The following CACNA2D4 variants were observed in gnomAD, a reference collection of about 807,000 sequenced individuals.
CACNA2D4 encodes calcium voltage-gated channel auxiliary subunit alpha2delta 4.
A neutral mutation model predicts 163.8 loss-of-function variants in CACNA2D4; 157 were observed. That is an observed-to-expected ratio of 0.96 (90% CI 0.84 to 1.09). The LOEUF is 1.09. Ranked by LOEUF, CACNA2D4 falls within the 50% of genes least tolerant of loss-of-function variation. The pLI, the probability that CACNA2D4 is intolerant of heterozygous loss-of-function variation, is 0.00. For synonymous variants in CACNA2D4, 598 were observed against 586.9 expected, an observed-to-expected ratio of 1.02 and a Z score of -0.27; for missense variants, 1,410 against 1,479.9, an observed-to-expected ratio of 0.95 and a Z score of 0.78.
At chr12:1,892,824 A>C (rs371625945) in intron 6 of CACNA2D4, among the ~76,000 whole-genome samples, 1 of 152,242 alleles carries the variant, frequency 6.6e-6, no homozygotes, top group African/African-American at 2.4e-5. Flanking sequence ...ACCAAAAGCA[A>C]ACAGGAGTAG....
At chr12:1,826,409 C>CG (rs1040917310) in intron 26 of CACNA2D4, among the ~76,000 whole-genome samples, 9 of 60,788 alleles carry the variant, frequency 1.5e-4, no homozygotes, top group Non-Finnish European at 3.4e-4. Context: ...AGCCCCCCCC[C>CG]CCCCCCCGCC....
rs750636440 is a variant in CACNA2D4 at position 1,918,639 on chromosome 12, C to A, written c.-166G>T. 6 of 573,600 alleles carry A rather than the reference C, an allele frequency of 1.0e-5. No individual in the cohort carries two copies. Among genetic ancestry groups the A allele is most frequent in the Non-Finnish European group, 1.8e-5 (6 of 326,120 alleles). 35.5% of individuals were successfully genotyped at this position (573,600 alleles called of 1,614,324 possible). A position where few individuals can be genotyped will look rare whatever the true frequency, so the allele number is the denominator to read the frequency against. On this transcript the variant is annotated 5_prime_UTR_variant, in exon 1 of 38. Transcript: ENST00000382722. ...GTCGCCCCACCTAGCAAGCAGGCCT[C>A]GGAGACAGGGACTGGGGGAGAGGCT...
intron 32 of CACNA2D4, 84 bp downstream of exon 32, chr12:1,800,302 C>A: frequency 6.9e-7 from 1 of 1,455,914 alleles, no homozygotes; most frequent in Non-Finnish European, 9.6e-7. Context: ...GTCCTGGAGA[C>A]CTTGCAGCCT....
chr12:1,868,445 G>C (rs1199905232), intron 18 of CACNA2D4, among the ~76,000 whole-genome samples: 1 of 151,778 alleles, frequency 6.6e-6, no homozygotes, highest in African/African-American at 2.4e-5. Flanking sequence ...GTGGTTACTA[G>C]CAGCAGGGGA....
At position 1,914,911 on chromosome 12, in the gene CACNA2D4, G is replaced by A. The variant is rs752598542; in HGVS notation, c.252C>T (p.Phe84=). Residue 84 remains phenylalanine, a synonymous_variant, in exon 2 of 38, where the codon TTC becomes TTT. Transcript: ENST00000382722. ...LETVKLWADT[F]GGDLYNTVTK... ...TCACAGTGTTATACAGGTCCCCGCC[G>A]AAGGTGTCAGCCCATAGCTTCACTC... 9 of 1,613,520 alleles carry A rather than the reference G, an allele frequency of 5.6e-6. No individual in the cohort carries two copies. Among genetic ancestry groups the A allele is most frequent in the Admixed American group, 5.0e-5 (3 of 59,998 alleles).
rs567730213 is a variant in CACNA2D4, at chr12:1,832,013, A to G, written c.2551+8726T>C. On this transcript the variant is annotated intron_variant, in intron 26 of 37. Coordinates refer to ENST00000382722, the MANE Select transcript of CACNA2D4 (RefSeq NM_172364.5). Reference sequence around the variant, plus strand: ...TAGAATGAATCCTCAGTAAAACCAAATCTTCCTTTTGGTGACAGTGCCAAC... The same window carrying G: ...TAGAATGAATCCTCAGTAAAACCAAGTCTTCCTTTTGGTGACAGTGCCAAC... Among the ~76,000 whole-genome samples the G allele has an allele frequency of 2.6e-5, 4 of 152,178 alleles. No homozygotes were observed. In the East Asian group the frequency reaches 5.8e-4, roughly 22 times the overall value.
rs61741336 is a variant in CACNA2D4, at chr12:1,797,466, G to A, written c.3065C>T (p.Pro1022Leu). The A allele has an allele frequency of 9.5e-3, 15,037 of 1,585,220 alleles. 115 individuals are homozygous for A. Among genetic ancestry groups the A allele is most frequent in the South Asian group, 0.023 (2,028 of 87,626 alleles). ...GATCCCGTTGGCCTCCCGGATGGCC[G>A]GCTGGTACACGAACACGGGGTACTC... ...DTEYPVFVYQ[P>L]AIREANGIVE... Residue 1022 changes from proline to leucine, a missense_variant, in exon 35 of 38, where the codon CCG becomes CTG. Transcript: ENST00000382722.
At chr12:1,813,481 G>A (rs1330340209) in intron 26 of CACNA2D4, among the ~76,000 whole-genome samples, 1 of 152,212 alleles carries the variant, frequency 6.6e-6, no homozygotes, top group Admixed American at 6.5e-5. Context: ...TGAGAACTCG[G>A]AGTGTGGCTA....
intron 26 of CACNA2D4, among the ~76,000 whole-genome samples, chr12:1,824,404 A>G (rs1864234951): frequency 6.6e-6 from 1 of 152,074 alleles, no homozygotes; most frequent in Admixed American, 6.5e-5. Flanking sequence ...TCAAAGCCCC[A>G]TGTTTCTGGC....
intron 4 of CACNA2D4, among the ~76,000 whole-genome samples, chr12:1,909,476 G>T (rs960807703): frequency 4.6e-5 from 7 of 152,258 alleles, no homozygotes; most frequent in Non-Finnish European, 7.3e-5. Flanking sequence ...TTACAGGCGT[G>T]AGCCACCGCG....
chr12:1,911,808 ACTGT>A (rs1265278033), intron 3 of CACNA2D4, among the ~76,000 whole-genome samples: 1 of 152,082 alleles, frequency 6.6e-6, no homozygotes, highest in African/African-American at 2.4e-5. Context: ...CTCATACCCC[ACTGT>A]CTGTGTTTGA....
chr12:1,842,916 C>T (rs1034024089), intron 25 of CACNA2D4, among the ~76,000 whole-genome samples: 3 of 152,304 alleles, frequency 2.0e-5, no homozygotes, highest in Admixed American at 2.0e-4. Context: ...AAAACTCCCC[C>T]TCCCTCTTTC....
In CACNA2D4 at chr12:1,869,924, A is replaced by C. The variant is rs138805858; in HGVS notation, c.1878+4680T>G. 8.5e-5 allele frequency among the ~76,000 whole-genome samples: 13 copies of C among 152,338 alleles called. 1 individual carries two copies. The highest frequency in any genetic ancestry group is 4.1e-4 in the South Asian group (2 of 4,822). On this transcript the variant is annotated intron_variant, in intron 18 of 37. Coordinates refer to ENST00000382722, the MANE Select transcript of CACNA2D4 (RefSeq NM_172364.5). This position sits in a 1 kb window ranked among gnomAD's most constrained non-coding sequence, Gnocchi z 4.7. ...ATTATATACTGGATATTTGAGGGGT[A>C]GGCTGTAGATACTCTTGTCTTCCTT...
At position 1,793,703 on chromosome 12, in the gene CACNA2D4, G is replaced by A. The variant is rs1046398228; in HGVS notation, c.3366C>T (p.Leu1122=). 1 of 1,613,728 alleles carries A rather than the reference G, an allele frequency of 6.2e-7. No individual in the cohort carries two copies. Among genetic ancestry groups the A allele is most frequent in the Non-Finnish European group, 8.5e-7 (1 of 1,179,898 alleles). The change falls in exon 38 of 38, where the codon CTC becomes CTT. Residue 1122 remains leucine, a synonymous_variant. Coordinates refer to ENST00000382722, the MANE Select transcript of CACNA2D4 (RefSeq NM_172364.5). The stretch of plus-strand genomic sequence containing the variant: ...GCCCCCAGGCACACACAGGCAGCAG[G>A]AGTAGGGGCGGCGAGGCTGAGGTGT... ...ASDTSASPPL[L]LLPVCAWGLL...
intron 6 of CACNA2D4, among the ~76,000 whole-genome samples, chr12:1,900,311 T>G (rs1866506444): frequency 6.6e-6 from 1 of 152,126 alleles, no homozygotes; most frequent in Non-Finnish European, 1.5e-5. Context: ...TTTAAAAAAT[T>G]TTTGGTGGAG....
chr12:1,918,639 C>T lies in CACNA2D4; in HGVS notation c.-166G>A, dbSNP rs750636440. On this transcript the variant is annotated 5_prime_UTR_variant, in exon 1 of 38. Coordinates refer to ENST00000382722, the MANE Select transcript of CACNA2D4 (RefSeq NM_172364.5). ...GTCGCCCCACCTAGCAAGCAGGCCT[C>T]GGAGACAGGGACTGGGGGAGAGGCT... is the stretch of plus-strand genomic sequence containing the variant. 1.9e-5 allele frequency: 11 copies of T among 573,600 alleles called. No homozygotes were observed. The highest frequency in any genetic ancestry group is 1.0e-4 in the Admixed American group (3 of 29,332). The allele number at this position is 573,600 out of a possible 1,614,324, so 35.5% of individuals were successfully genotyped here.
intron 6 of CACNA2D4, among the ~76,000 whole-genome samples, chr12:1,889,431 G>A (rs190687680): frequency 2.6e-5 from 4 of 152,268 alleles, no homozygotes; most frequent in African/African-American, 9.6e-5. Context: ...ATAAAGAGAT[G>A]GAAGCACAAA....
At chr12:1,908,084 C>G (rs1866711336) in intron 4 of CACNA2D4, 47 bp from the exon 5 acceptor site, 2 of 1,568,498 alleles carry the variant, frequency 1.3e-6, no homozygotes, top group African/African-American at 2.7e-5. Context: ...AGCACCGGGA[C>G]AGGCGGAGAG....
rs778509862 is a variant in CACNA2D4, at chr12:1,879,002, G to A, written c.1598C>T (p.Ser533Leu). 1 of 1,613,872 alleles carries A rather than the reference G, an allele frequency of 6.2e-7. No homozygotes were observed. The change falls in exon 15 of 38, where the codon TCA becomes TTA. Residue 533 changes from serine (S) to leucine (L), a missense_variant. By Grantham distance (145) the Ser-to-Leu change is moderately radical. Transcript: ENST00000382722. ...CATCAGCTCTCTCAGGGCCACATCTGAGCCCACCACACCCAGGAGAATGCC... is the reference window on the plus strand; with the variant it reads ...CATCAGCTCTCTCAGGGCCACATCTAAGCCCACCACACCCAGGAGAATGCC... ...SHGILLGVVG[S>L]DVALRELMKL...
Sources: allele counts gnomAD v4.1 joint callset (sites outside exome capture counted in the v4.1 genomes callset), GRCh38; gene constraint gnomAD v4.1.1; non-coding constraint Gnocchi (gnomAD v3.1); transcripts MANE v1.5; gene names NCBI Gene and HGNC (gene_info 2026-07-23, HGNC 2026-07-21).